DLGAP2: variants seen among roughly 807,000 people sequenced by gnomAD.
The protein encoded by DLGAP2 is disks large-associated protein 2.
DLGAP2 carries 26 observed loss-of-function variants against 100.3 expected under a neutral mutation model. The ratio of observed to expected loss-of-function variants is 0.26; its 90% CI spans 0.19 to 0.36. The LOEUF (loss-of-function observed/expected upper bound fraction) is 0.36, where lower values mean the gene tolerates loss of function less well. Ranked by LOEUF, DLGAP2 falls within the 10% of genes least tolerant of loss-of-function variation. The probability of loss-of-function intolerance (pLI) is 1.00; values close to 1 mark genes in which losing one functional copy is unlikely to be tolerated. For missense variants in DLGAP2, 1,858 were observed against 1,453.2 expected (o/e 1.28, Z -4.53); for synonymous variants, 886 against 630.1 (o/e 1.41, Z -6.08).
At chr8:1,327,812 C>T (rs1198229483) in intron 3 of DLGAP2, among the ~76,000 whole-genome samples, 1 of 152,130 alleles carries the variant, frequency 6.6e-6, no homozygotes, top group Non-Finnish European at 1.5e-5. Context: ...CCACTGCACT[C>T]CAGCCTGGGC....
chr8:1,215,975 C>G (rs1343864079), intron 2 of DLGAP2, among the ~76,000 whole-genome samples: 1 of 151,704 alleles, frequency 6.6e-6, no homozygotes, highest in South Asian at 2.1e-4. Flanking sequence ...GTCCAGGTAC[C>G]TCGATGGGTT....
At chr8:1,512,084 G>A (rs1170731682) in intron 4 of DLGAP2, among the ~76,000 whole-genome samples, 1 of 152,196 alleles carries the variant, frequency 6.6e-6, no homozygotes, top group Non-Finnish European at 1.5e-5. Context: ...ATCAGCCCAG[G>A]TAGGCAGGGC....
chr8:781,875 G>T lies in DLGAP2; in HGVS notation c.18+44050G>T, dbSNP rs545455759. Among the ~76,000 whole-genome samples, 15 of 152,266 alleles carry T rather than the reference G, an allele frequency of 9.9e-5. No individual in the cohort carries two copies. In the South Asian group the frequency reaches 3.1e-3, roughly 32 times the overall value. ...ATTTTTTGTTTCTTTTGTGAAAAAG[G>T]AGAAGTTGAGTGCATTTAGGAGATA... On this transcript the variant is annotated intron_variant, in intron 1 of 14. Transcript: ENST00000637795.
At chr8:1,588,245 A>G (rs574920091) in intron 6 of DLGAP2, among the ~76,000 whole-genome samples, 1 of 152,286 alleles carries the variant, frequency 6.6e-6, no homozygotes, top group East Asian at 1.9e-4. Context: ...ATGTCTCTTA[A>G]TCTAATGGCT....
intron 6 of DLGAP2, among the ~76,000 whole-genome samples, chr8:1,608,762 A>C (rs1426163561): frequency 6.7e-6 from 1 of 149,532 alleles, no homozygotes; most frequent in Non-Finnish European, 1.5e-5. Flanking sequence ...TCAGGAGCCG[A>C]TGCGATCAAC....
At chr8:1,249,682 G>A (rs549499827) in intron 2 of DLGAP2, among the ~76,000 whole-genome samples, 3 of 152,272 alleles carry the variant, frequency 2.0e-5, no homozygotes, top group African/African-American at 7.2e-5. Context: ...TGGAGCTGGT[G>A]AGACTGGAGT....
intron 2 of DLGAP2, among the ~76,000 whole-genome samples, chr8:911,005 G>A (rs1288207570): frequency 6.6e-6 from 1 of 152,086 alleles, no homozygotes; most frequent in Non-Finnish European, 1.5e-5. Context: ...CCAGACGCCT[G>A]CCCATTCCTG....
intron 8 of DLGAP2, among the ~76,000 whole-genome samples, chr8:1,634,530 A>G (rs984258158): frequency 6.6e-6 from 1 of 152,192 alleles, no homozygotes; most frequent in African/African-American, 2.4e-5. Flanking sequence ...CCCTTGGTGA[A>G]GTCCTGGGCC....
intron 1 of DLGAP2, among the ~76,000 whole-genome samples, chr8:781,222 T>C (rs1821678340): frequency 1.3e-5 from 2 of 152,202 alleles, no homozygotes; most frequent in African/African-American, 2.4e-5. Context: ...GTATACCTGA[T>C]AGTGCCAAAT....
chr8:798,111 C>T (rs371823519), intron 1 of DLGAP2, among the ~76,000 whole-genome samples: 26 of 152,248 alleles, frequency 1.7e-4, no homozygotes, highest in African/African-American at 4.8e-4. Context: ...CTGTTTGCAT[C>T]AGTTTCTTGT....
At chr8:1,321,011 G>A (rs572764627) in intron 3 of DLGAP2, among the ~76,000 whole-genome samples, 6 of 151,794 alleles carry the variant, frequency 4.0e-5, no homozygotes, top group Non-Finnish European at 5.9e-5. Flanking sequence ...CTGCGTGTGT[G>A]TGGGCATCCG....
chr8:1,386,295 A>T (rs1404988763), intron 3 of DLGAP2, among the ~76,000 whole-genome samples: 1 of 152,206 alleles, frequency 6.6e-6, no homozygotes, highest in African/African-American at 2.4e-5. Flanking sequence ...AGTCGGTGAG[A>T]TTATAGATGG....
intron 2 of DLGAP2, among the ~76,000 whole-genome samples, chr8:923,320 TCA>T (rs1798751562): frequency 6.6e-6 from 1 of 152,206 alleles, no homozygotes; most frequent in Non-Finnish European, 1.5e-5. Flanking sequence ...CTCTCCTGTG[TCA>T]CGTCCCATGA....
intron 1 of DLGAP2, among the ~76,000 whole-genome samples, chr8:762,166 G>T (rs1277489098): frequency 6.6e-6 from 1 of 152,088 alleles, no homozygotes; most frequent in Non-Finnish European, 1.5e-5. Flanking sequence ...CATAATCCTA[G>T]AAGTAATGCT....
intron 2 of DLGAP2, among the ~76,000 whole-genome samples, chr8:1,188,208 A>C (rs188039101): frequency 1.6e-5 from 2 of 124,830 alleles, no homozygotes; most frequent in African/African-American, 8.3e-5. Context: ...CGTTTCCCTC[A>C]CGGAATCTCA....
At chr8:1,366,450 G>A (rs1288579390) in intron 3 of DLGAP2, among the ~76,000 whole-genome samples, 1 of 152,190 alleles carries the variant, frequency 6.6e-6, no homozygotes, top group Non-Finnish European at 1.5e-5. Flanking sequence ...AACAGACGTG[G>A]GTCCCCATCT....
At chr8:873,410 T>G (rs1050841611) in intron 1 of DLGAP2, among the ~76,000 whole-genome samples, 25 of 152,206 alleles carry the variant, frequency 1.6e-4, no homozygotes, top group Admixed American at 3.3e-4. Context: ...GTTCCTGATC[T>G]TAGAGAAACA....
intron 2 of DLGAP2, among the ~76,000 whole-genome samples, chr8:1,074,298 T>G (rs928321243): frequency 6.8e-6 from 1 of 147,984 alleles, no homozygotes; most frequent in Non-Finnish European, 1.5e-5. Context: ...ATATTCAGGA[T>G]TCACTGTCAC....
intron 1 of DLGAP2, among the ~76,000 whole-genome samples, chr8:905,895 A>T (rs1262187420): frequency 6.7e-6 from 1 of 149,582 alleles, no homozygotes; most frequent in Non-Finnish European, 1.5e-5. Context: ...ACTGCACGTG[A>T]TAGAGACGTG....
Sources: allele counts gnomAD v4.1 joint callset (sites outside exome capture counted in the v4.1 genomes callset), GRCh38; gene constraint gnomAD v4.1.1; transcripts MANE v1.5; gene names NCBI Gene and HGNC (gene_info 2026-07-23, HGNC 2026-07-21).